Variants in PIK3R6 observed in about 807,000 individuals in gnomAD.
PIK3R6 encodes phosphoinositide 3-kinase regulatory subunit 6.
PIK3R6 carries 91 observed loss-of-function variants against 84.9 expected under a neutral mutation model. The observed-to-expected ratio is 1.07, with a 90% CI of 0.90 to 1.28. The LOEUF (loss-of-function observed/expected upper bound fraction) is 1.28, where lower values mean the gene tolerates loss of function less well. Among genes scored for constraint, PIK3R6 ranks in the 50% most tolerant of loss-of-function variants. The pLI is 0.00. For missense variants in PIK3R6, 996 were observed against 985.1 expected (o/e 1.01, Z -0.15); for synonymous variants, 416 against 411.4 (o/e 1.01, Z -0.13).
intron 8 of PIK3R6, among the ~76,000 whole-genome samples, chr17:8,833,443 T>G (rs760192450): frequency 6.6e-6 from 1 of 152,144 alleles, no homozygotes; most frequent in South Asian, 2.1e-4. Context: ...CTCCAGCACT[T>G]AGAATAGCTC....
Position 8,839,671 on chromosome 17 carries a change from C to T in PIK3R6, c.40G>A (p.Val14Met), listed in dbSNP as rs747668203. The T allele has an allele frequency of 2.5e-4, 400 of 1,577,760 alleles. No homozygotes were observed. Among genetic ancestry groups the T allele is most frequent in the Non-Finnish European group, 3.3e-4 (386 of 1,161,256 alleles). Residue 14 changes from valine to methionine, a missense_variant, in exon 3 of 20, where the codon GTG becomes ATG. Physicochemically the swap from Val to Met is conservative, Grantham distance 21. Transcript: ENST00000619866. The surrounding 1 kb of genome is among the most constrained non-coding windows in gnomAD (Gnocchi z 4.2). The part of the protein sequence containing the change: ...SDVELDLQRS[V>M]QAVLRELSTQ... ...CTGAGCTCCCGGAGCACAGCCTGCA[C>T]GCTCCTCTGGAGGTCCAGCTCCACA...
At chr17:8,806,247 G>A (rs376919351) in intron 18 of PIK3R6, among the ~76,000 whole-genome samples, 8 of 152,354 alleles carry the variant, frequency 5.3e-5, no homozygotes, top group African/African-American at 7.2e-5. Flanking sequence ...TTAGGTGACT[G>A]GGGATCGAAT....
At chr17:8,860,286 G>T (rs2089242080) in intron 1 of PIK3R6, among the ~76,000 whole-genome samples, 1 of 147,534 alleles carries the variant, frequency 6.8e-6, no homozygotes, top group Non-Finnish European at 1.5e-5. Flanking sequence ...CCGCCTCCTG[G>T]GGCGGGGGGC....
At chr17:8,807,384 A>G (rs895211801) in intron 18 of PIK3R6, among the ~76,000 whole-genome samples, 4 of 152,184 alleles carry the variant, frequency 2.6e-5, no homozygotes, top group African/African-American at 7.2e-5. Flanking sequence ...GGCCATTGAC[A>G]TACAAAGATC....
intron 18 of PIK3R6, among the ~76,000 whole-genome samples, chr17:8,814,369 A>G (rs195773): frequency 0.39 from 59,617 of 151,354 alleles, 12,641 homozygotes; most frequent in East Asian, 0.53. Context: ...ACAGGCATGC[A>G]CCACCATGCC....
At position 8,839,145 on chromosome 17, in the gene PIK3R6, C is replaced by T. The variant is rs569123903; in HGVS notation, c.97+469G>A. 6.6e-6 allele frequency among the ~76,000 whole-genome samples: 1 copy of T among 151,934 alleles called. No homozygotes were observed. Among genetic ancestry groups the T allele is most frequent in the African/African-American group, 2.4e-5 (1 of 41,334 alleles). Reference sequence around the variant, plus strand: ...GGCGGGTCACTTGCGGTCAGGAGTTCGAGACCAACCTGGCCAACATGGTGA... The same window carrying T: ...GGCGGGTCACTTGCGGTCAGGAGTTTGAGACCAACCTGGCCAACATGGTGA... On this transcript the variant is annotated intron_variant, in intron 3 of 19. Coordinates refer to ENST00000619866, the MANE Select transcript of PIK3R6 (RefSeq NM_001010855.4). The surrounding 1 kb of genome is among the most constrained non-coding windows in gnomAD (Gnocchi z 4.2).
chr17:8,855,224 A>C (rs1597438691), intron 1 of PIK3R6, among the ~76,000 whole-genome samples: 1 of 128,926 alleles, frequency 7.8e-6, no homozygotes, highest in Non-Finnish European at 1.5e-5. Flanking sequence ...AAAACAAAAC[A>C]AAACAACAAT....
intron 9 of PIK3R6, 45 bp downstream of exon 9, chr17:8,832,844 C>T (rs765057299): frequency 9.9e-6 from 16 of 1,610,584 alleles, no homozygotes; most frequent in African/African-American, 2.7e-5. Context: ...AGTGAGCTGC[C>T]CCCGCGGGAC....
chr17:8,839,184 C>T lies in PIK3R6; in HGVS notation c.97+430G>A, dbSNP rs181363936. Among the ~76,000 whole-genome samples the T allele has an allele frequency of 2.6e-4, 40 of 151,952 alleles. No homozygotes were observed. The East Asian group carries it at 6.6e-3, about 25-fold the overall frequency. On this transcript the variant is annotated intron_variant, in intron 3 of 19. Coordinates refer to ENST00000619866, the MANE Select transcript of PIK3R6 (RefSeq NM_001010855.4). The surrounding 1 kb of genome is among the most constrained non-coding windows in gnomAD (Gnocchi z 4.2). Reference sequence around the variant, plus strand: ...CCAACATGGTGAAACTGCATCTCTACGAAAAATACAAAAATTAGCAGGGCA... The same window carrying T: ...CCAACATGGTGAAACTGCATCTCTATGAAAAATACAAAAATTAGCAGGGCA...
At chr17:8,853,966 A>G (rs1228572748) in intron 1 of PIK3R6, among the ~76,000 whole-genome samples, 4 of 151,922 alleles carry the variant, frequency 2.6e-5, no homozygotes, top group Non-Finnish European at 5.9e-5. Flanking sequence ...CGTCTGAAAA[A>G]AAAAAAAAAA....
intron 1 of PIK3R6, among the ~76,000 whole-genome samples, chr17:8,857,264 A>G (rs1159024878): frequency 6.6e-6 from 1 of 152,190 alleles, no homozygotes; most frequent in Non-Finnish European, 1.5e-5. Context: ...GGCAGCAGCC[A>G]CTCAGTGGAC....
intron 1 of PIK3R6, among the ~76,000 whole-genome samples, chr17:8,866,364 C>CA (rs1428259905): frequency 6.6e-6 from 1 of 152,046 alleles, no homozygotes; most frequent in African/African-American, 2.4e-5. Flanking sequence ...GGTGAAAACA[C>CA]AAAAAATTAC....
intron 5 of PIK3R6, 98 bp from the exon 6 acceptor site, chr17:8,837,021 C>T: frequency 1.1e-6 from 1 of 935,110 alleles, no homozygotes; most frequent in Non-Finnish European, 1.6e-6. Flanking sequence ...CGGGGAGGGG[C>T]TTGGGAGAAG....
Position 8,837,055 on chromosome 17 carries a change from C to T in PIK3R6, c.259-132G>A, listed in dbSNP as rs111954688. 4,155 of 691,002 alleles carry T rather than the reference C, an allele frequency of 6.0e-3. 129 individuals are homozygous for T. The African/African-American group carries it at 0.065, about 11-fold the overall frequency. The allele number at this position is 691,002 out of a possible 1,614,324, so 42.8% of individuals were successfully genotyped here. A position where few individuals can be genotyped will look rare whatever the true frequency, so the allele number is the denominator to read the frequency against. ...AGAGGTGGAAGGTCAGGCCTAACAG[C>T]CAGACCTGGGCTCACAGCTCTCTCC... On this transcript the variant is annotated intron_variant, in intron 5 of 19. Transcript: ENST00000619866.
chr17:8,855,963 T>G (rs1405034482), intron 1 of PIK3R6, among the ~76,000 whole-genome samples: 1 of 152,186 alleles, frequency 6.6e-6, no homozygotes, highest in Non-Finnish European at 1.5e-5. Context: ...ATGAGCAAAC[T>G]GTGATACACC....
At chr17:8,809,640 A>G (rs1006906716) in intron 18 of PIK3R6, among the ~76,000 whole-genome samples, 1 of 152,140 alleles carries the variant, frequency 6.6e-6, no homozygotes, top group Non-Finnish European at 1.5e-5. Flanking sequence ...ACAAAAAATT[A>G]AAAAATTAGC....
chr17:8,804,929 T>C (rs369414035), intron 18 of PIK3R6, among the ~76,000 whole-genome samples: 5 of 152,318 alleles, frequency 3.3e-5, no homozygotes, highest in South Asian at 4.1e-4. Flanking sequence ...TCAAGTGGCA[T>C]AGAATTGAGC....
At chr17:8,841,398 G>T (rs532492281) in intron 2 of PIK3R6, among the ~76,000 whole-genome samples, 1 of 152,266 alleles carries the variant, frequency 6.6e-6, no homozygotes, top group East Asian at 1.9e-4. Context: ...CTCCACTCTT[G>T]ATATCTCCTG....
intron 1 of PIK3R6, among the ~76,000 whole-genome samples, chr17:8,858,814 C>A (rs907144631): frequency 6.6e-6 from 1 of 152,210 alleles, no homozygotes; most frequent in Non-Finnish European, 1.5e-5. Context: ...AGGCTGCAGT[C>A]CAGCCCACCG....
Sources: gnomAD v4.1 joint callset for allele counts (sites outside exome capture counted in the v4.1 genomes callset) on GRCh38, gnomAD v4.1.1 for gene constraint, Gnocchi (gnomAD v3.1) non-coding constraint, MANE v1.5 for transcripts, NCBI Gene and HGNC (gene_info 2026-07-23, HGNC 2026-07-21) for gene names.